NEK1: variants seen among roughly 807,000 people sequenced by gnomAD.
NEK1 encodes NIMA related kinase 1, also known as serine/threonine-protein kinase Nek1.
In NEK1, 137 loss-of-function variants were observed where a neutral mutation model predicts 182.1. That is an observed-to-expected ratio of 0.75 (90% CI 0.65 to 0.87). The LOEUF (loss-of-function observed/expected upper bound fraction) is 0.87, where lower values mean the gene tolerates loss of function less well. Ranked by LOEUF, NEK1 falls within the 40% of genes least tolerant of loss-of-function variation. The pLI, the probability that NEK1 is intolerant of heterozygous loss-of-function variation, is 0.00. For missense variants in NEK1, 1,391 were observed against 1,494.4 expected (o/e 0.93, Z 1.14); for synonymous variants, 513 against 492.2 (o/e 1.04, Z -0.56).
intron 27 of NEK1, among the ~76,000 whole-genome samples, chr4:169,449,350 T>C (rs766359701): frequency 2.6e-5 from 4 of 152,172 alleles, no homozygotes; most frequent in Non-Finnish European, 4.4e-5. Flanking sequence ...ATAGACTGCC[T>C]CCTCAACTGG....
chr4:169,566,792 A>G (rs976539815), intron 12 of NEK1, among the ~76,000 whole-genome samples: 1 of 152,188 alleles, frequency 6.6e-6, no homozygotes, highest in African/African-American at 2.4e-5. Context: ...AGTCTTTTAA[A>G]AAAATGAGAT....
chr4:169,568,249 G>A (rs911207927), intron 12 of NEK1, among the ~76,000 whole-genome samples: 1 of 152,030 alleles, frequency 6.6e-6, no homozygotes, highest in African/African-American at 2.4e-5. Context: ...CCCCCACAAT[G>A]GTAGTTTTAT....
chr4:169,551,523 GTAGA>G (rs1761422847), intron 18 of NEK1, among the ~76,000 whole-genome samples: 1 of 152,112 alleles, frequency 6.6e-6, no homozygotes, highest in South Asian at 2.1e-4. Context: ...GGAATCTTAT[GTAGA>G]TATTAAAAAA....
At chr4:169,593,345 A>C (rs1183004646) in intron 5 of NEK1, among the ~76,000 whole-genome samples, 1 of 152,184 alleles carries the variant, frequency 6.6e-6, no homozygotes, top group Non-Finnish European at 1.5e-5. Context: ...AAACTAACAG[A>C]GATAGGGGGC....
chr4:169,562,257 C>A, intron 12 of NEK1, 61 bp from the exon 13 acceptor site: 2 of 1,145,710 alleles, frequency 1.7e-6, no homozygotes, highest in African/African-American at 1.6e-5. Context: ...TTGAAAATCC[C>A]AAATTTACAG....
intron 23 of NEK1, among the ~76,000 whole-genome samples, chr4:169,497,200 T>G (rs1174300061): frequency 6.6e-6 from 1 of 152,252 alleles, no homozygotes; most frequent in Non-Finnish European, 1.5e-5. Flanking sequence ...GTAGAGGTGT[T>G]TATAGTATTC....
Position 169,599,487 on chromosome 4 carries a change from T to C in NEK1, c.215-290A>G, listed in dbSNP as rs553846129. On this transcript the variant is annotated intron_variant, in intron 4 of 35. Coordinates refer to ENST00000507142, the MANE Select transcript of NEK1 (RefSeq NM_001199397.3). ...CTGAAATATAAACAAAATGCAGACA[T>C]ACTTGATTTCATTCAATAAATACAA... Among the ~76,000 whole-genome samples, 5 of 152,334 alleles carry C rather than the reference T, an allele frequency of 3.3e-5. No homozygotes were observed. In the South Asian group the frequency reaches 1.0e-3, roughly 32 times the overall value.
intron 18 of NEK1, among the ~76,000 whole-genome samples, chr4:169,539,648 A>G (rs1759078849): frequency 6.6e-6 from 1 of 152,024 alleles, no homozygotes; most frequent in African/African-American, 2.4e-5. Flanking sequence ...GTTTTGCTAT[A>G]GCCCGTCTAC....
chr4:169,484,339 T>C lies in NEK1; in HGVS notation c.2008-4805A>G, dbSNP rs538798796. 1.5e-4 allele frequency among the ~76,000 whole-genome samples: 23 copies of C among 152,326 alleles called. 1 individual carries two copies. The highest frequency in any genetic ancestry group is 3.4e-3 in the Middle Eastern group (1 of 294). On this transcript the variant is annotated intron_variant, in intron 23 of 35. Coordinates refer to ENST00000507142, the MANE Select transcript of NEK1 (RefSeq NM_001199397.3). Reference sequence around the variant, plus strand: ...GGGATTACAGGCGTGAGCCACCGCGTTTGGCCTGCTATTTCGATACATCAA... The same window carrying C: ...GGGATTACAGGCGTGAGCCACCGCGCTTGGCCTGCTATTTCGATACATCAA...
In NEK1 at chr4:169,555,794, ATGG is replaced by A. The variant is rs1240287849; in HGVS notation, c.1485_1487del (p.His496del). The A allele has an allele frequency of 4.3e-6, 7 of 1,613,820 alleles. No homozygotes were observed. Among genetic ancestry groups the A allele is most frequent in the Non-Finnish European group, 5.9e-6 (7 of 1,179,844 alleles). On this transcript the variant is annotated inframe_deletion, in exon 18 of 36. Coordinates refer to ENST00000507142, the MANE Select transcript of NEK1 (RefSeq NM_001199397.3). Reference sequence around the variant, plus strand: ...TTCTAATATCATCAGCATCAGGAAAATGGTGATGACCTGCAGCCCCATAAGGAA... The same window carrying A: ...TTCTAATATCATCAGCATCAGGAAAATGATGACCTGCAGCCCCATAAGGAA...
At chr4:169,526,066 C>T (rs973659317) in intron 19 of NEK1, among the ~76,000 whole-genome samples, 1 of 152,214 alleles carries the variant, frequency 6.6e-6, no homozygotes. Flanking sequence ...TTCCCTCTGA[C>T]ACACACATAC....
chr4:169,526,354 T>C (rs962431081), intron 19 of NEK1, among the ~76,000 whole-genome samples: 1 of 152,134 alleles, frequency 6.6e-6, no homozygotes, highest in African/African-American at 2.4e-5. Context: ...CCACGCATGA[T>C]GGCAAGCACC....
intron 31 of NEK1, among the ~76,000 whole-genome samples, chr4:169,415,963 A>T (rs1734478309): frequency 6.6e-6 from 1 of 152,188 alleles, no homozygotes; most frequent in African/African-American, 2.4e-5. Flanking sequence ...GAGCAAGAGG[A>T]CAAGGGAGGA....
At chr4:169,447,815 G>A (rs1389755942) in intron 27 of NEK1, among the ~76,000 whole-genome samples, 1 of 152,150 alleles carries the variant, frequency 6.6e-6, no homozygotes, top group Non-Finnish European at 1.5e-5. Context: ...GCTGCAGTGA[G>A]CCGAGATCGT....
At chr4:169,460,825 C>G (rs534087386) in intron 27 of NEK1, among the ~76,000 whole-genome samples, 14 of 152,040 alleles carry the variant, frequency 9.2e-5, no homozygotes, top group African/African-American at 2.7e-4. Flanking sequence ...AAAAGTAAGC[C>G]AAGGATTTTA....
chr4:169,484,576 A>G (rs1272198560), intron 23 of NEK1, among the ~76,000 whole-genome samples: 1 of 152,212 alleles, frequency 6.6e-6, no homozygotes, highest in Non-Finnish European at 1.5e-5. Flanking sequence ...AGAAAAAAAT[A>G]AAGAGATAAG....
intron 5 of NEK1, among the ~76,000 whole-genome samples, chr4:169,595,767 C>A (rs1416768570): frequency 2.6e-5 from 4 of 151,440 alleles, no homozygotes; most frequent in Non-Finnish European, 5.9e-5. Context: ...ACTAAAAATC[C>A]AAAAAAATTA....
chr4:169,461,825 T>C (rs753517324), intron 27 of NEK1, among the ~76,000 whole-genome samples: 12 of 152,174 alleles, frequency 7.9e-5, no homozygotes, highest in Non-Finnish European at 1.8e-4. Flanking sequence ...TTTTTGTCTG[T>C]CCTCTGAGAG....
intron 9 of NEK1, 146 bp downstream of exon 9, chr4:169,587,413 G>GA (rs947923995): frequency 6.2e-6 from 3 of 481,586 alleles, no homozygotes; most frequent in East Asian, 7.3e-5. Flanking sequence ...TTATACTTCA[G>GA]AAAAAATGAG....
Sources: allele counts gnomAD v4.1 joint callset (sites outside exome capture counted in the v4.1 genomes callset), GRCh38; gene constraint gnomAD v4.1.1; transcripts MANE v1.5; gene names NCBI Gene and HGNC (gene_info 2026-07-23, HGNC 2026-07-21).